KIAA1958: variants seen among roughly 807,000 people sequenced by gnomAD.
KIAA1958 encodes uncharacterized protein KIAA1958.
KIAA1958 carries 14 observed loss-of-function variants against 47.2 expected under a neutral mutation model. The observed-to-expected ratio is 0.30, with a 90% CI of 0.20 to 0.46. The LOEUF is 0.46. KIAA1958 is among the 20% of genes least tolerant of loss of function. The probability of loss-of-function intolerance (pLI) is 1.00; values close to 1 mark genes in which losing one functional copy is unlikely to be tolerated. For synonymous variants in KIAA1958, 354 were observed against 353.3 expected (o/e 1.00, Z -0.02); for missense variants, 803 against 909.2 (o/e 0.88, Z 1.50).
intron 2 of KIAA1958, among the ~76,000 whole-genome samples, chr9:112,620,304 T>C (rs1216876277): frequency 6.6e-6 from 1 of 152,246 alleles, no homozygotes; most frequent in Non-Finnish European, 1.5e-5. Context: ...TTGATTGTTT[T>C]GTTGGACCCG....
At chr9:112,522,096 C>T (rs537665347) in intron 1 of KIAA1958, among the ~76,000 whole-genome samples, 47 of 152,156 alleles carry the variant, frequency 3.1e-4, no homozygotes, top group South Asian at 2.1e-4. Flanking sequence ...CTCAGCCTCC[C>T]GAGTAGCTGG....
chr9:112,586,157 T>C (rs1835819036), intron 2 of KIAA1958, among the ~76,000 whole-genome samples: 1 of 152,188 alleles, frequency 6.6e-6, no homozygotes, highest in Non-Finnish European at 1.5e-5. Flanking sequence ...TTGGTTGCCT[T>C]TAGATAAGAC....
intron 2 of KIAA1958, among the ~76,000 whole-genome samples, chr9:112,624,927 A>C (rs1031318698): frequency 1.3e-5 from 2 of 152,158 alleles, no homozygotes; most frequent in Non-Finnish European, 2.9e-5. Context: ...AGGAGTCACC[A>C]CGTCCTCATG....
intron 1 of KIAA1958, among the ~76,000 whole-genome samples, chr9:112,537,340 C>G (rs909612588): frequency 6.6e-6 from 1 of 152,158 alleles, no homozygotes; most frequent in African/African-American, 2.4e-5. Flanking sequence ...CTCCTGAGCT[C>G]AAATGATCCG....
chr9:112,529,599 A>G (rs147358468), intron 1 of KIAA1958, among the ~76,000 whole-genome samples: 30 of 152,318 alleles, frequency 2.0e-4, no homozygotes, highest in Non-Finnish European at 3.5e-4. Context: ...TATTTTTCTC[A>G]TAGGTTAACT....
At chr9:112,634,431 A>G (rs1409442678) in intron 2 of KIAA1958, among the ~76,000 whole-genome samples, 1 of 152,070 alleles carries the variant, frequency 6.6e-6, no homozygotes, top group East Asian at 1.9e-4. Flanking sequence ...GGGTTTCACC[A>G]TATTAGCCAG....
At chr9:112,549,332 C>T (rs534752171) in intron 1 of KIAA1958, among the ~76,000 whole-genome samples, 28 of 152,308 alleles carry the variant, frequency 1.8e-4, no homozygotes, top group Middle Eastern at 3.4e-3. Context: ...GGTTTTATAA[C>T]TCTCCGTACT....
intron 1 of KIAA1958, among the ~76,000 whole-genome samples, chr9:112,570,025 T>C (rs1588022344): frequency 6.6e-6 from 1 of 152,246 alleles, no homozygotes; most frequent in South Asian, 2.1e-4. Flanking sequence ...ATGAATTGTA[T>C]ATAGTTGATA....
chr9:112,620,304 T>G (rs1216876277), intron 2 of KIAA1958, among the ~76,000 whole-genome samples: 1 of 152,246 alleles, frequency 6.6e-6, no homozygotes, highest in African/African-American at 2.4e-5. Flanking sequence ...TTGATTGTTT[T>G]GTTGGACCCG....
At chr9:112,641,202 G>A (rs1697846173) in intron 2 of KIAA1958, among the ~76,000 whole-genome samples, 1 of 152,064 alleles carries the variant, frequency 6.6e-6, no homozygotes. Flanking sequence ...GTGGGTGCTT[G>A]GATGCTACTT....
chr9:112,562,350 A>G (rs893477312), intron 1 of KIAA1958, among the ~76,000 whole-genome samples: 2 of 152,218 alleles, frequency 1.3e-5, no homozygotes, highest in Non-Finnish European at 2.9e-5. Flanking sequence ...AACTTGCCCA[A>G]GGTCACATAG....
chr9:112,533,602 A>G (rs969428596), intron 1 of KIAA1958, among the ~76,000 whole-genome samples: 18 of 147,650 alleles, frequency 1.2e-4, no homozygotes, highest in Admixed American at 3.4e-4. Context: ...AAAAAAAAAA[A>G]AAAGAAAAGA....
At chr9:112,495,548 C>T (rs971544587) in intron 1 of KIAA1958, among the ~76,000 whole-genome samples, 1 of 152,196 alleles carries the variant, frequency 6.6e-6, no homozygotes, top group African/African-American at 2.4e-5. Context: ...AGCTGAAATT[C>T]TCCTGCACTG....
At chr9:112,520,814 C>CTG (rs1403996915) in intron 1 of KIAA1958, among the ~76,000 whole-genome samples, 1 of 152,218 alleles carries the variant, frequency 6.6e-6, no homozygotes, top group Non-Finnish European at 1.5e-5. Flanking sequence ...TTTAGACCAT[C>CTG]TGTGGTTTGA....
intron 1 of KIAA1958, among the ~76,000 whole-genome samples, chr9:112,572,166 G>A (rs1162252784): frequency 6.6e-6 from 1 of 152,048 alleles, no homozygotes; most frequent in African/African-American, 2.4e-5. Context: ...TGCGTATACA[G>A]GGTGGCTGGG....
chr9:112,504,377 C>T (rs1307456098), intron 1 of KIAA1958, among the ~76,000 whole-genome samples: 1 of 152,066 alleles, frequency 6.6e-6, no homozygotes, highest in Admixed American at 6.6e-5. Flanking sequence ...TGAGTAGAGA[C>T]GGGATTTCGC....
intron 1 of KIAA1958, among the ~76,000 whole-genome samples, chr9:112,518,821 C>T (rs1017799449): frequency 6.6e-6 from 1 of 151,492 alleles, no homozygotes; most frequent in East Asian, 1.9e-4. Flanking sequence ...TAACAGTTCA[C>T]TAAGCAGATG....
chr9:112,618,374 G>A lies in KIAA1958; in HGVS notation c.1172-27276G>A. Reference sequence around the variant, plus strand: ...CACAAAAGCTTTTGGGCATTGCACAGGCTTCCATGGATCTACCTTAAAATG... The same window carrying A: ...CACAAAAGCTTTTGGGCATTGCACAAGCTTCCATGGATCTACCTTAAAATG... On this transcript the variant is annotated intron_variant, in intron 2 of 3. Coordinates refer to ENST00000337530, the MANE Select transcript of KIAA1958 (RefSeq NM_133465.4). This position sits in a 1 kb window ranked among gnomAD's most constrained non-coding sequence, Gnocchi z 7.1. 1 of 1,551,304 alleles carries A rather than the reference G, an allele frequency of 6.4e-7. No homozygotes were observed. Among genetic ancestry groups the A allele is most frequent in the South Asian group, 1.2e-5 (1 of 84,062 alleles).
intron 2 of KIAA1958, among the ~76,000 whole-genome samples, chr9:112,613,799 A>T (rs1836366625): frequency 6.6e-6 from 1 of 152,192 alleles, no homozygotes. Context: ...ATAATGGAGC[A>T]CCTTTTCCTC....
Sources: allele counts gnomAD v4.1 joint callset (sites outside exome capture counted in the v4.1 genomes callset), GRCh38; gene constraint gnomAD v4.1.1; non-coding constraint Gnocchi (gnomAD v3.1); transcripts MANE v1.5; gene names NCBI Gene and HGNC (gene_info 2026-07-23, HGNC 2026-07-21).